ZHX2: variants seen among roughly 807,000 people sequenced by gnomAD.
ZHX2 encodes the protein zinc fingers and homeoboxes protein 2.
ZHX2 carries 6 observed loss-of-function variants against 21.9 expected under a neutral mutation model. The ratio of observed to expected loss-of-function variants is 0.27; its 90% confidence interval spans 0.15 to 0.54. ZHX2 has a LOEUF of 0.54. Among genes scored for constraint, ZHX2 ranks in the 20% least tolerant of loss-of-function variants. The probability of loss-of-function intolerance (pLI) is 0.95; values close to 1 mark genes in which losing one functional copy is unlikely to be tolerated. For synonymous variants in ZHX2, 434 were observed against 437.1 expected, an observed-to-expected ratio of 0.99 and a Z score of 0.09; for missense variants, 908 against 1,090.7, an observed-to-expected ratio of 0.83 and a Z score of 2.36.
chr8:122,855,631 T>G (rs1819007374), intron 1 of ZHX2, among the ~76,000 whole-genome samples: 1 of 151,966 alleles, frequency 6.6e-6, no homozygotes, highest in South Asian at 2.1e-4. Context: ...GTCAGTACAT[T>G]TATGCGCTCA....
intron 2 of ZHX2, among the ~76,000 whole-genome samples, chr8:122,887,324 G>A (rs999977135): frequency 1.6e-4 from 24 of 151,606 alleles, no homozygotes; most frequent in Admixed American, 1.4e-3. Flanking sequence ...GACCAGCCTG[G>A]CCAACATGGT....
At chr8:122,909,568 G>A (rs909348377) in intron 2 of ZHX2, among the ~76,000 whole-genome samples, 4 of 151,946 alleles carry the variant, frequency 2.6e-5, no homozygotes, top group African/African-American at 9.7e-5. Flanking sequence ...TTATTCACTC[G>A]CCTTGGGGCT....
intron 3 of ZHX2, among the ~76,000 whole-genome samples, chr8:122,957,266 C>T (rs578187324): frequency 3.3e-4 from 47 of 143,688 alleles, no homozygotes; most frequent in African/African-American, 8.9e-4. Flanking sequence ...AGTATACCCC[C>T]GTTCTCAGGA....
intron 2 of ZHX2, among the ~76,000 whole-genome samples, chr8:122,935,744 C>T (rs1812668460): frequency 6.6e-6 from 1 of 151,988 alleles, no homozygotes; most frequent in Non-Finnish European, 1.5e-5. Flanking sequence ...ACCATGTTAG[C>T]CAGGATTGTC....
intron 1 of ZHX2, among the ~76,000 whole-genome samples, chr8:122,800,938 C>T (rs1817708222): frequency 6.6e-6 from 1 of 152,194 alleles, no homozygotes; most frequent in Non-Finnish European, 1.5e-5. Flanking sequence ...ACACACAGAG[C>T]CAAAACACAG....
At chr8:122,956,088 A>G (rs1021445137) in intron 3 of ZHX2, among the ~76,000 whole-genome samples, 1 of 151,802 alleles carries the variant, frequency 6.6e-6, no homozygotes, top group Non-Finnish European at 1.5e-5. Context: ...CAGATGATCC[A>G]CCCACCTTGG....
intron 2 of ZHX2, among the ~76,000 whole-genome samples, chr8:122,945,194 C>T (rs774316701): frequency 6.6e-6 from 1 of 152,136 alleles, no homozygotes; most frequent in Non-Finnish European, 1.5e-5. Context: ...CTACGAACTC[C>T]TTGAGGACAG....
At chr8:122,848,137 G>A (rs375105800) in intron 1 of ZHX2, among the ~76,000 whole-genome samples, 2 of 152,222 alleles carry the variant, frequency 1.3e-5, no homozygotes, top group East Asian at 1.9e-4. Context: ...GAATGAATGA[G>A]TGAGTATAGC....
At chr8:122,927,420 G>A (rs945600870) in intron 2 of ZHX2, among the ~76,000 whole-genome samples, 8 of 152,146 alleles carry the variant, frequency 5.3e-5, no homozygotes, top group Non-Finnish European at 1.0e-4. Context: ...ACTTGAACCC[G>A]GGAGGCAGAG....
At chr8:122,917,714 C>G (rs1347953890) in intron 2 of ZHX2, among the ~76,000 whole-genome samples, 1 of 152,148 alleles carries the variant, frequency 6.6e-6, no homozygotes, top group Admixed American at 6.5e-5. Flanking sequence ...AGTTACTTCC[C>G]CCAAAACCCC....
At chr8:122,831,222 C>T (rs999727346) in intron 1 of ZHX2, among the ~76,000 whole-genome samples, 2 of 152,134 alleles carry the variant, frequency 1.3e-5, no homozygotes, top group African/African-American at 4.8e-5. Flanking sequence ...GGCATGTGAG[C>T]GAAGTCTACC....
chr8:122,953,800 CCCTCAGAGGCCA>C lies in ZHX2; in HGVS notation c.2298_2309del (p.Glu766_Ser769del), dbSNP rs769959531. The C allele has an allele frequency of 1.2e-6, 2 of 1,614,104 alleles. No individual in the cohort carries two copies. The highest frequency in any genetic ancestry group is 1.7e-6 in the Non-Finnish European group (2 of 1,180,034). ...AGCAAAAGACTGTTTGCCAGCAAAG[CCCTCAGAGGCCA>C]CCTCAGACCGGTCAGAGGGCAGCAG... On this transcript the variant is annotated inframe_deletion, in exon 3 of 4. Transcript: ENST00000314393. This position sits in a 1 kb window ranked among gnomAD's most constrained non-coding sequence, Gnocchi z 4.6.
intron 1 of ZHX2, among the ~76,000 whole-genome samples, chr8:122,797,483 C>G (rs912354169): frequency 1.3e-5 from 2 of 152,224 alleles, no homozygotes; most frequent in Admixed American, 1.3e-4. Flanking sequence ...GGCTGTGCTG[C>G]TTCAGCAAGC....
At chr8:122,883,630 A>AGG (rs11451482) in intron 2 of ZHX2, among the ~76,000 whole-genome samples, 1 of 151,862 alleles carries the variant, frequency 6.6e-6, no homozygotes, top group South Asian at 2.1e-4. Flanking sequence ...TGGAAAAAAA[A>AGG]AGAGATAATA....
At chr8:122,878,806 G>A (rs915314358) in intron 2 of ZHX2, among the ~76,000 whole-genome samples, 2 of 152,164 alleles carry the variant, frequency 1.3e-5, no homozygotes, top group Non-Finnish European at 2.9e-5. Flanking sequence ...CAAGCCACAT[G>A]GAGGAGTCCT....
At chr8:122,875,129 T>TTTTTTATA (rs1819531525) in intron 2 of ZHX2, among the ~76,000 whole-genome samples, 1 of 10,230 alleles carries the variant, frequency 9.8e-5, no homozygotes, top group African/African-American at 3.7e-4. Flanking sequence ...GAAAACTCTG[T>TTTTTTATA]TATATATATA....
chr8:122,867,778 T>A (rs1455242220), intron 2 of ZHX2, among the ~76,000 whole-genome samples: 1 of 152,210 alleles, frequency 6.6e-6, no homozygotes, highest in African/African-American at 2.4e-5. Context: ...CAAAAGATGG[T>A]CAAGAAATGC....
chr8:122,943,397 T>C (rs1812893842), intron 2 of ZHX2, among the ~76,000 whole-genome samples: 1 of 152,252 alleles, frequency 6.6e-6, no homozygotes, highest in African/African-American at 2.4e-5. Flanking sequence ...TGCTCCAGGC[T>C]GTGTGACCTT....
chr8:122,961,803 G>A (rs1458665909), intron 3 of ZHX2, among the ~76,000 whole-genome samples: 4 of 152,180 alleles, frequency 2.6e-5, no homozygotes, highest in Admixed American at 2.0e-4. Context: ...TACAATTCAA[G>A]ATGAGATTTG....
Sources: gnomAD v4.1 joint callset for allele counts (sites outside exome capture counted in the v4.1 genomes callset) on GRCh38, gnomAD v4.1.1 for gene constraint, Gnocchi (gnomAD v3.1) non-coding constraint, MANE v1.5 for transcripts, NCBI Gene and HGNC (gene_info 2026-07-23, HGNC 2026-07-21) for gene names.